The following CFAP97 variants were observed in gnomAD, a reference collection of about 807,000 sequenced individuals.
CFAP97 encodes cilia and flagella associated protein 97, also known as cilia- and flagella-associated protein 97.
Under a neutral mutation model 43.1 loss-of-function variants are expected in CFAP97, and 36 were observed. The ratio of observed to expected loss-of-function variants is 0.84; its 90% CI spans 0.64 to 1.10. The LOEUF (loss-of-function observed/expected upper bound fraction) is 1.10. Among genes scored for constraint, CFAP97 ranks in the 50% least tolerant of loss-of-function variants. The probability of loss-of-function intolerance (pLI) is 0.00; values close to 1 mark genes in which losing one functional copy is unlikely to be tolerated. For missense variants in CFAP97, 657 were observed against 620.3 expected (o/e 1.06, Z -0.63); for synonymous variants, 228 against 225.7 (o/e 1.01, Z -0.09).
intron 3 of CFAP97, chr4:185,170,007 C>G (rs1735231572): frequency 2.7e-6 from 3 of 1,112,472 alleles, no homozygotes; most frequent in Non-Finnish European, 1.1e-6. Context: ...ATTTTTGTGA[C>G]AATTTATCAC....
chr4:185,170,233 T>C, intron 3 of CFAP97: 1 of 639,098 alleles, frequency 1.6e-6, no homozygotes, highest in South Asian at 1.8e-5. Context: ...GTAGTTCCAG[T>C]TACTTGGGAG....
At chr4:185,192,743 T>TG (rs1348700054) in intron 1 of CFAP97, among the ~76,000 whole-genome samples, 1 of 79,358 alleles carries the variant, frequency 1.3e-5, no homozygotes, top group Non-Finnish European at 2.7e-5. Context: ...CTTTTTTTTT[T>TG]TTTTTTTTTT....
chr4:185,197,818 G>A (rs754955135), intron 1 of CFAP97, among the ~76,000 whole-genome samples: 1 of 152,234 alleles, frequency 6.6e-6, no homozygotes, highest in Non-Finnish European at 1.5e-5. Flanking sequence ...TAAGCTTAGT[G>A]AGGAAGGTAT....
At chr4:185,172,578 A>G (rs909874513) in intron 3 of CFAP97, among the ~76,000 whole-genome samples, 1 of 152,236 alleles carries the variant, frequency 6.6e-6, no homozygotes, top group African/African-American at 2.4e-5. Context: ...GAGCAAATGA[A>G]AGGATATAAA....
intron 2 of CFAP97, among the ~76,000 whole-genome samples, chr4:185,181,319 ACT>A (rs1491090921): frequency 7.7e-6 from 1 of 130,320 alleles, no homozygotes; most frequent in Non-Finnish European, 1.6e-5. Context: ...GCATAATCAT[ACT>A]TTTTTTTTTT....
Position 185,161,672 on chromosome 4 carries a change from T to C in CFAP97, c.*1126A>G, listed in dbSNP as rs551300087. 6.6e-6 allele frequency: 1 copy of C among 152,336 alleles called. No individual in the cohort carries two copies. Among genetic ancestry groups the C allele is most frequent in the South Asian group, 2.1e-4 (1 of 4,828 alleles). 9.4% of individuals were successfully genotyped at this position (152,336 alleles called of 1,614,324 possible). On this transcript the variant is annotated 3_prime_UTR_variant, in exon 5 of 5. Coordinates refer to ENST00000458385, the MANE Select transcript of CFAP97 (RefSeq NM_020827.3). ...CCATTACCAATTCCATCAAGATTAC[T>C]AGGTCTTTAAATGTGGGACTGGTAA... is the stretch of plus-strand genomic sequence containing the variant.
chr4:185,186,356 C>T (rs931384030), intron 2 of CFAP97, among the ~76,000 whole-genome samples: 4 of 152,080 alleles, frequency 2.6e-5, no homozygotes, highest in African/African-American at 9.7e-5. Context: ...TTGCTTGAAC[C>T]CGGGAGGCAG....
At chr4:185,185,089 C>T (rs1735955371) in intron 2 of CFAP97, among the ~76,000 whole-genome samples, 1 of 152,158 alleles carries the variant, frequency 6.6e-6, no homozygotes, top group Non-Finnish European at 1.5e-5. Context: ...CTCTTTTCAA[C>T]CCATTTTTAA....
At chr4:185,176,924 A>T (rs907743780) in intron 2 of CFAP97, among the ~76,000 whole-genome samples, 2 of 152,210 alleles carry the variant, frequency 1.3e-5, no homozygotes, top group African/African-American at 4.8e-5. Flanking sequence ...AAAGTCAAAC[A>T]TTTTATTCCT....
rs529465117 is a variant in CFAP97, at chr4:185,167,397, G to A, written c.1321-3218C>T. ...GAGAATGGCTTGAGTCCAGGAGGTC[G>A]AGGCTGCAAGTGAGTCATGATCACA... On this transcript the variant is annotated intron_variant, in intron 3 of 4. Transcript: ENST00000458385. 2.0e-5 allele frequency among the ~76,000 whole-genome samples: 3 copies of A among 152,252 alleles called. No individual in the cohort carries two copies. The South Asian group carries it at 6.2e-4, about 32-fold the overall frequency.
chr4:185,205,136 A>T (rs1227693064), upstream of CFAP97, among the ~76,000 whole-genome samples: 1 of 152,248 alleles, frequency 6.6e-6, no homozygotes, highest in Non-Finnish European at 1.5e-5. Flanking sequence ...TACCAAAAGT[A>T]TAATCAATTC....
chr4:185,204,891 G>T (rs1737118425), upstream of CFAP97, among the ~76,000 whole-genome samples: 1 of 152,208 alleles, frequency 6.6e-6, no homozygotes, highest in African/African-American at 2.4e-5. Flanking sequence ...TTTGATTTTA[G>T]ACTTAATACC....
chr4:185,185,331 T>C (rs548335576), intron 2 of CFAP97, among the ~76,000 whole-genome samples: 9 of 152,328 alleles, frequency 5.9e-5, no homozygotes, highest in African/African-American at 2.2e-4. Flanking sequence ...AGATATATGT[T>C]ATTACACAAT....
At chr4:185,182,769 T>C (rs1343061062) in intron 2 of CFAP97, among the ~76,000 whole-genome samples, 2 of 152,190 alleles carry the variant, frequency 1.3e-5, no homozygotes, top group Non-Finnish European at 2.9e-5. Flanking sequence ...CTTTGTTTCA[T>C]AGGCTTAATA....
intron 2 of CFAP97, among the ~76,000 whole-genome samples, chr4:185,181,348 G>A (rs1189618857): frequency 6.5e-5 from 8 of 123,730 alleles, no homozygotes; most frequent in East Asian, 4.7e-4. Context: ...TTTTTGAGAC[G>A]GAGTTTTGCT....
chr4:185,183,582 T>C (rs921795660), intron 2 of CFAP97, among the ~76,000 whole-genome samples: 4 of 152,174 alleles, frequency 2.6e-5, no homozygotes, highest in East Asian at 1.9e-4. Flanking sequence ...AAAGAAAACA[T>C]AGGAAAATAA....
rs1579221783 is a variant in CFAP97 at position 185,161,019 on chromosome 4, T to C, written c.*1779A>G. 6.6e-6 allele frequency: 1 copy of C among 151,604 alleles called. No homozygotes were observed. The highest frequency in any genetic ancestry group is 2.4e-5 in the African/African-American group (1 of 41,380). The allele number at this position is 151,604 out of a possible 1,614,324, so 9.4% of individuals were successfully genotyped here. The stretch of plus-strand genomic sequence containing the variant: ...CACTATTGGACAGATGTTCAAATGC[T>C]AAATTTAAAATTCAGCATTATCTTC... On this transcript the variant is annotated 3_prime_UTR_variant, in exon 5 of 5. Transcript: ENST00000458385.
Position 185,175,752 on chromosome 4 carries a change from T to C in CFAP97, c.1320+34A>G, listed in dbSNP as rs753214444. On this transcript the variant is annotated intron_variant, in intron 3 of 4. Transcript: ENST00000458385. Reference sequence around the variant, plus strand: ...GGACATACAAATCAGTGCAAACACATTTTCTTTGATGACTAATTATTTCAG... The same window carrying C: ...GGACATACAAATCAGTGCAAACACACTTTCTTTGATGACTAATTATTTCAG... The C allele has an allele frequency of 1.9e-6, 3 of 1,595,348 alleles. No individual in the cohort carries two copies. The East Asian group carries it at 6.7e-5, about 36-fold the overall frequency.
intron 1 of CFAP97, among the ~76,000 whole-genome samples, chr4:185,196,747 G>T (rs1212337541): frequency 6.6e-6 from 1 of 152,150 alleles, no homozygotes; most frequent in Non-Finnish European, 1.5e-5. Flanking sequence ...CAGAGTCTAG[G>T]AAAACTCTGC....
Sources: allele counts gnomAD v4.1 joint callset (sites outside exome capture counted in the v4.1 genomes callset), GRCh38; gene constraint gnomAD v4.1.1; transcripts MANE v1.5; gene names NCBI Gene and HGNC (gene_info 2026-07-23, HGNC 2026-07-21).